The following SV2B variants were observed in gnomAD, a reference collection of about 807,000 sequenced individuals.
SV2B encodes the protein solute carrier family 22 member B2.
SV2B carries 41 observed loss-of-function variants against 73.9 expected under a neutral mutation model. The observed-to-expected ratio is 0.56, with a 90% CI of 0.43 to 0.72. SV2B has a LOEUF of 0.72. Ranked by LOEUF, SV2B falls within the 30% of genes least tolerant of loss-of-function variation. SV2B has a pLI of 0.00. For synonymous variants in SV2B, 314 were observed against 314.2 expected (o/e 1.00, Z 0.01); for missense variants, 764 against 857.8 (o/e 0.89, Z 1.37).
intron 1 of SV2B, among the ~76,000 whole-genome samples, chr15:91,167,854 T>A (rs993585848): frequency 6.6e-6 from 1 of 152,242 alleles, no homozygotes; most frequent in Non-Finnish European, 1.5e-5. Context: ...CTATGAAGAA[T>A]GTTCATTTCT....
In SV2B at chr15:91,105,492, G is replaced by C. The variant is rs550327961; in HGVS notation, c.-392+5129G>C. ...AGGAACTGAACGAGACAGGGTGAGC[G>C]TGGGAGAAGAGATCAGAGAAGTAGC... is the stretch of plus-strand genomic sequence containing the variant. On this transcript the variant is annotated intron_variant, in intron 1 of 12. Transcript: ENST00000394232. This position sits in a 1 kb window ranked among gnomAD's most constrained non-coding sequence, Gnocchi z 5.5. Among the ~76,000 whole-genome samples, 1 of 152,218 alleles carries C rather than the reference G, an allele frequency of 6.6e-6. No individual in the cohort carries two copies. The highest frequency in any genetic ancestry group is 1.5e-5 in the Non-Finnish European group (1 of 68,028).
Position 91,122,366 on chromosome 15 carries a change from G to A in SV2B, c.-392+22003G>A, listed in dbSNP as rs57875640. ...TGGAGTCTCCAGACATCCTCCCTGG[G>A]GAAACAGTCTAGAAAGCAGGAATGG... On this transcript the variant is annotated intron_variant, in intron 1 of 12. Coordinates refer to ENST00000394232, the MANE Select transcript of SV2B (RefSeq NM_001323032.3). This position sits in a 1 kb window ranked among gnomAD's most constrained non-coding sequence, Gnocchi z 4.3. 6.6e-6 allele frequency among the ~76,000 whole-genome samples: 1 copy of A among 152,290 alleles called. No individual in the cohort carries two copies. Among genetic ancestry groups the A allele is most frequent in the African/African-American group, 2.4e-5 (1 of 41,574 alleles).
intron 1 of SV2B, among the ~76,000 whole-genome samples, chr15:91,203,579 G>T (rs2045534658): frequency 6.6e-6 from 1 of 152,116 alleles, no homozygotes; most frequent in South Asian, 2.1e-4. Context: ...TCTAAATGTG[G>T]CAATCTTGTT....
intron 2 of SV2B, among the ~76,000 whole-genome samples, chr15:91,246,738 CCTCCTCCTCCTT>C (rs2047245235): frequency 6.6e-6 from 1 of 151,944 alleles, no homozygotes; most frequent in African/African-American, 2.4e-5. Flanking sequence ...TCCTCCTCCT[CCTCCTCCTCCTT>C]CTTCTCCTCT....
At position 91,214,365 on chromosome 15, in the gene SV2B, G is replaced by C. The variant is rs17693539; in HGVS notation, c.-391-11508G>C. 6.6e-6 allele frequency among the ~76,000 whole-genome samples: 1 copy of C among 152,298 alleles called. No individual in the cohort carries two copies. The highest frequency in any genetic ancestry group is 2.1e-4 in the South Asian group (1 of 4,830). Reference sequence around the variant, plus strand: ...TCTGCAGGAATTAGGGAATACCTAGGAAGGCATATCTGTGTGTGTGTTTAT... The same window carrying C: ...TCTGCAGGAATTAGGGAATACCTAGCAAGGCATATCTGTGTGTGTGTTTAT... On this transcript the variant is annotated intron_variant, in intron 1 of 12. Coordinates refer to ENST00000394232, the MANE Select transcript of SV2B (RefSeq NM_001323032.3). This position sits in a 1 kb window ranked among gnomAD's most constrained non-coding sequence, Gnocchi z 4.7.
intron 1 of SV2B, among the ~76,000 whole-genome samples, chr15:91,135,349 C>G (rs979308102): frequency 6.6e-6 from 1 of 152,206 alleles, no homozygotes; most frequent in African/African-American, 2.4e-5. Flanking sequence ...CAGCATGAAT[C>G]TTTCACTCTT....
rs761012161 is a variant in SV2B, at chr15:91,245,732, A to G, written c.452-6087A>G. Among the ~76,000 whole-genome samples, 2 of 152,200 alleles carry G rather than the reference A, an allele frequency of 1.3e-5. No individual in the cohort carries two copies. The highest frequency in any genetic ancestry group is 2.9e-5 in the Non-Finnish European group (2 of 68,040). ...CAAATATCAAACAAATAAATATATA[A>G]CATCAAATAGAGACATGTGATACAA... is the stretch of plus-strand genomic sequence containing the variant. On this transcript the variant is annotated intron_variant, in intron 2 of 12. Coordinates refer to ENST00000394232, the MANE Select transcript of SV2B (RefSeq NM_001323032.3). This position sits in a 1 kb window ranked among gnomAD's most constrained non-coding sequence, Gnocchi z 4.2.
intron 1 of SV2B, among the ~76,000 whole-genome samples, chr15:91,210,304 C>A (rs140123972): frequency 1.3e-5 from 2 of 151,754 alleles, no homozygotes; most frequent in Non-Finnish European, 2.9e-5. Flanking sequence ...GAGGTGGAGC[C>A]GTAACTGGGC....
In SV2B at chr15:91,121,868, G is replaced by A. The variant is rs991555641; in HGVS notation, c.-392+21505G>A. ...CGGCTCACTGCAAGCTCTGCCTTCT[G>A]GGTTCACGCCATTCTCCTGCCTCAG... is the stretch of plus-strand genomic sequence containing the variant. On this transcript the variant is annotated intron_variant, in intron 1 of 12. Transcript: ENST00000394232. This position sits in a 1 kb window ranked among gnomAD's most constrained non-coding sequence, Gnocchi z 4.4. Among the ~76,000 whole-genome samples the A allele has an allele frequency of 4.0e-5, 6 of 150,828 alleles. No individual in the cohort carries two copies. Among genetic ancestry groups the A allele is most frequent in the Non-Finnish European group, 5.9e-5 (4 of 67,820 alleles).
intron 12 of SV2B, among the ~76,000 whole-genome samples, chr15:91,291,299 A>C (rs2049032011): frequency 1.3e-5 from 2 of 152,074 alleles, no homozygotes; most frequent in South Asian, 4.1e-4. Context: ...AGATCCAAGA[A>C]AATACAAAAA....
At chr15:91,176,279 A>C (rs374412551) in intron 1 of SV2B, among the ~76,000 whole-genome samples, 51 of 152,132 alleles carry the variant, frequency 3.4e-4, no homozygotes, top group Admixed American at 5.9e-4. Flanking sequence ...TTTTCTTAAT[A>C]CAGTCTATCA....
intron 1 of SV2B, among the ~76,000 whole-genome samples, chr15:91,109,278 G>A (rs185666596): frequency 1.2e-4 from 18 of 152,310 alleles, no homozygotes; most frequent in Admixed American, 5.9e-4. Context: ...CTTGAATCAC[G>A]GATGTCTGCA....
At chr15:91,285,023 T>G (rs1308060024) in intron 11 of SV2B, among the ~76,000 whole-genome samples, 1 of 152,080 alleles carries the variant, frequency 6.6e-6, no homozygotes, top group Non-Finnish European at 1.5e-5. Context: ...AACATGCCAT[T>G]AGGGACCTGC....
chr15:91,258,407 C>T lies in SV2B; in HGVS notation c.785-14C>T, dbSNP rs745589581. 3.7e-6 allele frequency: 6 copies of T among 1,613,662 alleles called. No individual in the cohort carries two copies. The highest frequency in any genetic ancestry group is 5.1e-6 in the Non-Finnish European group (6 of 1,179,788). On this transcript the variant is annotated splice_polypyrimidine_tract_variant and intron_variant, in intron 4 of 12. Transcript: ENST00000394232. The surrounding 1 kb of genome is among the most constrained non-coding windows in gnomAD (Gnocchi z 4.7). Reference sequence around the variant, plus strand: ...CATGTCCCAGAAATCCTTTGACTGACTGCTCCTTTGCAGGCTGGGGCTTCA... The same window carrying T: ...CATGTCCCAGAAATCCTTTGACTGATTGCTCCTTTGCAGGCTGGGGCTTCA...
rs927186603 is a variant in SV2B at position 91,231,804 on chromosome 15, T to G, written c.451+5090T>G. Among the ~76,000 whole-genome samples the G allele has an allele frequency of 2.0e-4, 30 of 152,222 alleles. No homozygotes were observed. Among genetic ancestry groups the G allele is most frequent in the Admixed American group, 1.8e-3 (27 of 15,278 alleles). Reference sequence around the variant, plus strand: ...TATTGGCTGTTAGTTTCTTGCCGTCTGCAGTGAAAAGACTCTGGGAGTTAT... The same window carrying G: ...TATTGGCTGTTAGTTTCTTGCCGTCGGCAGTGAAAAGACTCTGGGAGTTAT... On this transcript the variant is annotated intron_variant, in intron 2 of 12. Transcript: ENST00000394232. The surrounding 1 kb of genome is among the most constrained non-coding windows in gnomAD (Gnocchi z 4.5).
intron 1 of SV2B, among the ~76,000 whole-genome samples, chr15:91,149,258 C>T (rs957313927): frequency 3.9e-5 from 6 of 152,116 alleles, no homozygotes; most frequent in South Asian, 2.1e-4. Flanking sequence ...TGCTGGCCAT[C>T]GGAAGTCTGA....
intron 1 of SV2B, among the ~76,000 whole-genome samples, chr15:91,188,148 G>C (rs550383505): frequency 9.0e-4 from 137 of 151,752 alleles, no homozygotes; most frequent in Non-Finnish European, 1.4e-3. Flanking sequence ...TATACCAAGA[G>C]GTATAACTGG....
At chr15:91,260,458 G>A (rs2141652552) in intron 6 of SV2B, 49 bp downstream of exon 6, 1 of 1,434,522 alleles carries the variant, frequency 7.0e-7, no homozygotes, top group East Asian at 2.3e-5. Flanking sequence ...CCTCTTCACT[G>A]CTTTGATTTA....
chr15:91,276,767 C>A (rs62026634), intron 9 of SV2B, among the ~76,000 whole-genome samples: 12,365 of 149,788 alleles, frequency 0.083, 582 homozygotes, highest in Non-Finnish European at 0.11. Flanking sequence ...ATATTAAATT[C>A]CCTGCCTGAT....
Sources: gnomAD v4.1 joint callset for allele counts (sites outside exome capture counted in the v4.1 genomes callset) on GRCh38, gnomAD v4.1.1 for gene constraint, Gnocchi (gnomAD v3.1) non-coding constraint, MANE v1.5 for transcripts, NCBI Gene and HGNC (gene_info 2026-07-23, HGNC 2026-07-21) for gene names.